Variants in NCALD observed in about 807,000 individuals in gnomAD.
The protein encoded by NCALD is neurocalcin-delta.
A neutral mutation model predicts 18.6 loss-of-function variants in NCALD; 10 were observed. The ratio of observed to expected loss-of-function variants is 0.54; its 90% CI spans 0.33 to 0.91. The LOEUF is 0.91. Among genes scored for constraint, NCALD ranks in the 40% least tolerant of loss-of-function variants. The probability of loss-of-function intolerance (pLI) is 0.03; values close to 1 mark genes in which losing one functional copy is unlikely to be tolerated. For synonymous variants in NCALD, 88 were observed against 87.4 expected (o/e 1.01, Z -0.04); for missense variants, 184 against 247.6 (o/e 0.74, Z 1.72).
intron 1 of NCALD, among the ~76,000 whole-genome samples, chr8:101,747,831 C>T (rs533585282): frequency 6.6e-6 from 1 of 152,054 alleles, no homozygotes; most frequent in African/African-American, 2.4e-5. Flanking sequence ...GATTCTCCTG[C>T]CTCAGCCTCC....
At chr8:101,701,320 G>T (rs77995623) in intron 2 of NCALD, among the ~76,000 whole-genome samples, 1 of 152,138 alleles carries the variant, frequency 6.6e-6, no homozygotes, top group Non-Finnish European at 1.5e-5. Flanking sequence ...GGATTAAACC[G>T]TGAAGAGACC....
chr8:101,754,014 G>A (rs10808378), intron 1 of NCALD, among the ~76,000 whole-genome samples: 101,028 of 152,032 alleles, frequency 0.66, 35,033 homozygotes, highest in East Asian at 0.77. Flanking sequence ...GGTAAGAACC[G>A]TGAGGTCTTT....
At chr8:101,775,597 C>A (rs940119121) in intron 1 of NCALD, among the ~76,000 whole-genome samples, 2 of 152,164 alleles carry the variant, frequency 1.3e-5, no homozygotes, top group African/African-American at 2.4e-5. Flanking sequence ...TTATACCTCT[C>A]CCCTCAGGCT....
chr8:101,884,503 C>T (rs1448919898), intron 4 of NCALD, among the ~76,000 whole-genome samples: 2 of 152,004 alleles, frequency 1.3e-5, no homozygotes, highest in African/African-American at 2.4e-5. Flanking sequence ...TATGTAAGTC[C>T]GTGTTATACC....
chr8:101,691,791 G>A (rs1177290849), intron 3 of NCALD: 10 of 985,270 alleles, frequency 1.0e-5, no homozygotes, highest in Non-Finnish European at 1.2e-5. Flanking sequence ...GAGGCTCTCT[G>A]TACTGCGAAG....
intron 2 of NCALD, among the ~76,000 whole-genome samples, chr8:101,973,355 T>C (rs1398645387): frequency 6.6e-6 from 1 of 152,166 alleles, no homozygotes; most frequent in African/African-American, 2.4e-5. Flanking sequence ...AGGCATATCA[T>C]AGGACGGCCC....
intron 1 of NCALD, among the ~76,000 whole-genome samples, chr8:101,739,845 T>C (rs1227056898): frequency 4.6e-5 from 7 of 152,176 alleles, no homozygotes; most frequent in South Asian, 2.1e-4. Context: ...CACCTTGTGA[T>C]TGTGTGAGTC....
intron 1 of NCALD, among the ~76,000 whole-genome samples, chr8:102,070,380 C>G (rs1043693206): frequency 1.3e-5 from 2 of 152,020 alleles, no homozygotes; most frequent in African/African-American, 4.8e-5. Context: ...TCCAAATTTA[C>G]AAGAGTATTC....
intron 1 of NCALD, among the ~76,000 whole-genome samples, chr8:101,741,947 A>G (rs912791183): frequency 3.1e-5 from 3 of 95,466 alleles, no homozygotes; most frequent in Admixed American, 1.0e-4. Context: ...AAAAAAAAAA[A>G]AAAAAAGAAA....
In NCALD at chr8:101,957,873, G is replaced by GTCA. The variant is rs1311471971; in HGVS notation, c.-156-42018_-156-42016dup. Among the ~76,000 whole-genome samples the GTCA allele has an allele frequency of 5.3e-5, 8 of 152,314 alleles. No individual in the cohort carries two copies. In the East Asian group the frequency reaches 1.5e-3, roughly 29 times the overall value. The stretch of plus-strand genomic sequence containing the variant: ...TGGAATGGAGCCCCCAGGCTGGGGT[G>GTCA]TCATAGATCGAGGTACCCCACAGCA... On this transcript the variant is annotated intron_variant, in intron 2 of 6. Transcript: ENST00000311028.
chr8:102,063,338 C>G (rs751797641), intron 1 of NCALD, among the ~76,000 whole-genome samples: 1 of 152,100 alleles, frequency 6.6e-6, no homozygotes, highest in Non-Finnish European at 1.5e-5. Context: ...CTATACTTGA[C>G]GCAGATGCAT....
At chr8:102,108,131 C>A (rs1462268657) in intron 1 of NCALD, among the ~76,000 whole-genome samples, 1 of 152,208 alleles carries the variant, frequency 6.6e-6, no homozygotes, top group East Asian at 1.9e-4. Flanking sequence ...CCAGCTCCCC[C>A]GCCTCAGCTG....
intron 1 of NCALD, among the ~76,000 whole-genome samples, chr8:102,093,946 A>G (rs1368137834): frequency 6.6e-6 from 1 of 152,210 alleles, no homozygotes; most frequent in African/African-American, 2.4e-5. Context: ...ATGAGCCCAG[A>G]GTGGCAAGAA....
At position 101,741,182 on chromosome 8, in the gene NCALD, C is replaced by T. The variant is rs186589643; in HGVS notation, c.-19-21534G>A. ...TCTGCATCCTGTATCCCTGTGTACA[C>T]ACACAGTAAACCACTTAAAAATACA... is the stretch of plus-strand genomic sequence containing the variant. On this transcript the variant is annotated intron_variant, in intron 1 of 3. Transcript: ENST00000220931. Among the ~76,000 whole-genome samples, 237 of 152,356 alleles carry T rather than the reference C, an allele frequency of 1.6e-3. 1 individual carries two copies. The highest frequency in any genetic ancestry group is 5.3e-3 in the African/African-American group (222 of 41,598).
chr8:101,854,869 A>T (rs546699578), intron 4 of NCALD, among the ~76,000 whole-genome samples: 1 of 152,344 alleles, frequency 6.6e-6, no homozygotes, highest in South Asian at 2.1e-4. Context: ...AACCTCAATG[A>T]GTACCTACAA....
intron 1 of NCALD, among the ~76,000 whole-genome samples, chr8:102,075,845 C>T (rs1015860553): frequency 2.6e-5 from 4 of 151,584 alleles, no homozygotes; most frequent in Non-Finnish European, 5.9e-5. Flanking sequence ...CCCAGCTACC[C>T]AGGAGGCTGA....
intron 2 of NCALD, among the ~76,000 whole-genome samples, chr8:101,702,357 G>A (rs770450788): frequency 1.5e-4 from 23 of 151,656 alleles, no homozygotes; most frequent in Non-Finnish European, 2.5e-4. Context: ...TCAGCCTCCC[G>A]AGTAGCTGTC....
chr8:101,694,149 G>A (rs958219923), intron 2 of NCALD: 2 of 152,134 alleles, frequency 1.3e-5, no homozygotes, highest in African/African-American at 4.8e-5. Flanking sequence ...AGTCACTTTG[G>A]GCATCTTGGC....
intron 1 of NCALD, among the ~76,000 whole-genome samples, chr8:101,768,206 C>A (rs1215601516): frequency 2.0e-5 from 3 of 152,186 alleles, no homozygotes; most frequent in Non-Finnish European, 4.4e-5. Flanking sequence ...ATTTGCAAGA[C>A]TCTGGTGGAA....
Sources: allele counts gnomAD v4.1 joint callset (sites outside exome capture counted in the v4.1 genomes callset), GRCh38; gene constraint gnomAD v4.1.1; transcripts MANE v1.5; gene names NCBI Gene and HGNC (gene_info 2026-07-23, HGNC 2026-07-21).